CAST: variants seen among roughly 807,000 people sequenced by gnomAD.
CAST encodes MIR583 host.
CAST carries 76 observed loss-of-function variants against 119.6 expected under a neutral mutation model. That is an observed-to-expected ratio of 0.64 (90% CI 0.53 to 0.77). The LOEUF (loss-of-function observed/expected upper bound fraction) is 0.77, where lower values mean the gene tolerates loss of function less well. CAST is among the 30% of genes least tolerant of loss of function. The pLI, the probability that CAST is intolerant of heterozygous loss-of-function variation, is 0.00. For missense variants in CAST, 953 were observed against 946.5 expected, an observed-to-expected ratio of 1.01 and a Z score of -0.09; for synonymous variants, 319 against 331.6, an observed-to-expected ratio of 0.96 and a Z score of 0.41.
the CAST span, among the ~76,000 whole-genome samples, chr5:95,974,368 T>G: frequency 6.6e-6 from 1 of 152,216 alleles, no homozygotes; most frequent in Non-Finnish European, 1.5e-5. Flanking sequence ...ACTTTTTACT[T>G]TAACAGGTAC....
the CAST span, among the ~76,000 whole-genome samples, chr5:96,014,177 G>A: frequency 3.7e-5 from 3 of 81,778 alleles, no homozygotes; most frequent in Admixed American, 2.4e-4. Context: ...ATTTTTTTTT[G>A]TTAAAAACTA....
the CAST span, among the ~76,000 whole-genome samples, chr5:96,253,047 G>A: frequency 5.3e-5 from 8 of 152,096 alleles, no homozygotes; most frequent in Non-Finnish European, 2.9e-5. Context: ...TATCTCCTGT[G>A]TTCTAAAGAG....
At chr5:96,203,396 A>G in the CAST span, among the ~76,000 whole-genome samples, 5 of 151,952 alleles carry the variant, frequency 3.3e-5, no homozygotes, top group African/African-American at 9.7e-5. Flanking sequence ...TCAGAATAAT[A>G]TGTTCTTTTT....
intron 1 of CAST, among the ~76,000 whole-genome samples, chr5:96,580,645 A>G (rs1746755212): frequency 6.6e-6 from 1 of 152,210 alleles, no homozygotes. Context: ...TGGTCAATGG[A>G]TTACATTTGG....
upstream of CAST, among the ~76,000 whole-genome samples, chr5:96,523,497 T>A (rs1372848734): frequency 2.0e-5 from 3 of 152,220 alleles, no homozygotes; most frequent in African/African-American, 7.2e-5. Context: ...ACTAAGCTTG[T>A]GTGCCCGACT....
rs1452814177 is a variant in CAST at position 96,748,547 on chromosome 5, A to C, written c.1362A>C (p.Glu454Asp). ...GGAGTGAATCAGAACTCATTGATGA[A>C]CTTTCAGAAGATTTTGACCGGTCTG... Reference protein sequence around the residue: ...KPRSESELIDELSEDFDRSEC... With the variant: ...KPRSESELIDDLSEDFDRSEC... The change falls in exon 19 of 32, where the codon GAA (glutamate) becomes GAC (aspartate). Residue 454 changes from glutamate to aspartate, a missense_variant. By Grantham distance (45) the Glu-to-Asp change is conservative. Transcript: ENST00000675179. The C allele has an allele frequency of 6.3e-7, 1 of 1,580,548 alleles. No individual in the cohort carries two copies. The highest frequency in any genetic ancestry group is 8.7e-7 in the Non-Finnish European group (1 of 1,149,790).
the CAST span, among the ~76,000 whole-genome samples, chr5:96,295,228 C>T: frequency 6.6e-6 from 1 of 152,036 alleles, no homozygotes; most frequent in Non-Finnish European, 1.5e-5. Context: ...GAATCGAATG[C>T]CCCCCATGGA....
At chr5:96,383,963 G>C in the CAST span, among the ~76,000 whole-genome samples, 39,752 of 151,854 alleles carry the variant, frequency 0.26, 5,258 homozygotes, top group East Asian at 0.32. Context: ...CTTAGATCAG[G>C]GAGATGAGTA....
At chr5:96,075,995 G>C in the CAST span, among the ~76,000 whole-genome samples, 3 of 152,172 alleles carry the variant, frequency 2.0e-5, no homozygotes, top group Non-Finnish European at 4.4e-5. Flanking sequence ...CTTGCCTTTG[G>C]AGAAGTGAAC....
chr5:96,675,521 T>A lies in CAST; in HGVS notation c.76-18T>A. 1 of 1,580,472 alleles carries A rather than the reference T, an allele frequency of 6.3e-7. No homozygotes were observed. The highest frequency in any genetic ancestry group is 8.7e-7 in the Non-Finnish European group (1 of 1,149,788). On this transcript the variant is annotated intron_variant, in intron 1 of 31. Transcript: ENST00000675179. ...TGTCATCTTCCTTTATTAAGCATTA[T>A]TTTTTACTTTTTTATAGCATGTCAG...
At chr5:96,736,508 C>T (rs1255557576) in intron 10 of CAST, among the ~76,000 whole-genome samples, 3 of 152,062 alleles carry the variant, frequency 2.0e-5, no homozygotes, top group Non-Finnish European at 4.4e-5. Flanking sequence ...TCCAGTTTCT[C>T]TCCTGCAAAT....
chr5:96,142,785 G>C, the CAST span, among the ~76,000 whole-genome samples: 1 of 152,166 alleles, frequency 6.6e-6, no homozygotes, highest in Admixed American at 6.5e-5. Flanking sequence ...AACATGATTT[G>C]TGTGAGGCTT....
At chr5:96,149,299 C>A in the CAST span, among the ~76,000 whole-genome samples, 2 of 152,186 alleles carry the variant, frequency 1.3e-5, no homozygotes, top group Non-Finnish European at 2.9e-5. Flanking sequence ...CTCCTCCTAC[C>A]CCACAGTGCC....
intron 1 of CAST, among the ~76,000 whole-genome samples, chr5:96,550,646 C>T (rs1349789807): frequency 2.6e-5 from 4 of 152,142 alleles, no homozygotes; most frequent in African/African-American, 9.7e-5. Flanking sequence ...TCTAAACCAT[C>T]TCAAGGAAGC....
chr5:96,450,717 T>C, the CAST span, among the ~76,000 whole-genome samples: 1 of 152,214 alleles, frequency 6.6e-6, no homozygotes, highest in Non-Finnish European at 1.5e-5. Flanking sequence ...AAATTTTTTG[T>C]TGAGAAGTTC....
chr5:96,097,174 G>C, the CAST span, among the ~76,000 whole-genome samples: 1 of 152,092 alleles, frequency 6.6e-6, no homozygotes, highest in Non-Finnish European at 1.5e-5. Flanking sequence ...GAAGCTCTTT[G>C]AGCTTTCATA....
upstream of CAST, among the ~76,000 whole-genome samples, chr5:96,523,322 A>G (rs1312911237): frequency 6.6e-6 from 1 of 152,262 alleles, no homozygotes; most frequent in Non-Finnish European, 1.5e-5. Context: ...GCTGTGTGGA[A>G]GGTGTTCCCA....
the CAST span, among the ~76,000 whole-genome samples, chr5:96,031,704 C>G: frequency 2.0e-5 from 3 of 152,060 alleles, no homozygotes; most frequent in African/African-American, 7.2e-5. Flanking sequence ...ACAATAGAGG[C>G]AAATGTCTAC....
At chr5:96,620,166 C>T (rs1225619252) in intron 1 of CAST, among the ~76,000 whole-genome samples, 2 of 152,224 alleles carry the variant, frequency 1.3e-5, no homozygotes, top group African/African-American at 2.4e-5. Context: ...GCAATTCTCT[C>T]CTCCCTTGTC....
Sources: gnomAD v4.1 joint callset for allele counts (sites outside exome capture counted in the v4.1 genomes callset) on GRCh38, gnomAD v4.1.1 for gene constraint, MANE v1.5 for transcripts, NCBI Gene and HGNC (gene_info 2026-07-23, HGNC 2026-07-21) for gene names.